GRID2: variants seen among roughly 807,000 people sequenced by gnomAD.
The protein encoded by GRID2 is glutamate receptor ionotropic, delta-2.
Under a neutral mutation model 114.8 loss-of-function variants are expected in GRID2, and 33 were observed. The ratio of observed to expected loss-of-function variants is 0.29; its 90% confidence interval spans 0.22 to 0.38. The LOEUF is 0.38. GRID2 is among the 10% of genes least tolerant of loss of function. The pLI is 1.00. For missense variants in GRID2, 1,184 were observed against 1,257.7 expected, an observed-to-expected ratio of 0.94 and a Z score of 0.89; for synonymous variants, 505 against 449.9, an observed-to-expected ratio of 1.12 and a Z score of -1.55.
intron 2 of GRID2, among the ~76,000 whole-genome samples, chr4:92,623,813 A>G (rs987053756): frequency 6.6e-6 from 1 of 151,830 alleles, no homozygotes; most frequent in African/African-American, 2.4e-5. Flanking sequence ...GTATTATTCA[A>G]AAAAACTTTA....
chr4:93,132,430 C>T (rs1225020072), intron 4 of GRID2, among the ~76,000 whole-genome samples: 1 of 152,142 alleles, frequency 6.6e-6, no homozygotes, highest in African/African-American at 2.4e-5. Flanking sequence ...GCTTCACTTC[C>T]TGGCTGATTT....
At chr4:92,443,865 G>C (rs776967506) in intron 1 of GRID2, among the ~76,000 whole-genome samples, 6 of 152,192 alleles carry the variant, frequency 3.9e-5, no homozygotes, top group Non-Finnish European at 7.3e-5. Context: ...AACACCAAGG[G>C]AAGGCTGCCT....
intron 1 of GRID2, among the ~76,000 whole-genome samples, chr4:92,560,857 C>G (rs2149181951): frequency 6.6e-6 from 1 of 152,214 alleles, no homozygotes; most frequent in East Asian, 1.9e-4. Context: ...CAGGTGCCCG[C>G]CACCATGCCC....
chr4:92,949,984 G>C (rs181083585), intron 2 of GRID2, among the ~76,000 whole-genome samples: 7 of 152,220 alleles, frequency 4.6e-5, no homozygotes, highest in Admixed American at 2.6e-4. Flanking sequence ...GGGAATGACA[G>C]TGCATTTATT....
intron 1 of GRID2, among the ~76,000 whole-genome samples, chr4:92,329,483 A>G (rs190822559): frequency 6.6e-6 from 1 of 152,088 alleles, no homozygotes; most frequent in Non-Finnish European, 1.5e-5. Flanking sequence ...CCTGTTGGTC[A>G]TTTGTAAGAT....
chr4:93,458,631 T>A (rs1723426508), intron 11 of GRID2, among the ~76,000 whole-genome samples: 1 of 152,202 alleles, frequency 6.6e-6, no homozygotes, highest in Admixed American at 6.5e-5. Context: ...TGGGTTTTTA[T>A]GAGAATTTAT....
chr4:92,585,571 A>G (rs1376026785), intron 1 of GRID2, among the ~76,000 whole-genome samples: 1 of 151,936 alleles, frequency 6.6e-6, no homozygotes, highest in Non-Finnish European at 1.5e-5. Flanking sequence ...AGAGTCTTTT[A>G]TTTTAAACAC....
intron 2 of GRID2, among the ~76,000 whole-genome samples, chr4:92,762,056 G>T (rs1012542932): frequency 3.9e-5 from 6 of 151,932 alleles, no homozygotes; most frequent in African/African-American, 1.5e-4. Context: ...AGCCTCCTGA[G>T]GGCATGTACC....
chr4:93,508,678 G>T (rs1728884016), intron 12 of GRID2, among the ~76,000 whole-genome samples: 1 of 152,144 alleles, frequency 6.6e-6, no homozygotes, highest in African/African-American at 2.4e-5. Flanking sequence ...CTCATTGATT[G>T]CTGACTGTTT....
intron 1 of GRID2, among the ~76,000 whole-genome samples, chr4:92,543,545 CT>C (rs1465227237): frequency 6.6e-6 from 1 of 152,096 alleles, no homozygotes; most frequent in African/African-American, 2.4e-5. Flanking sequence ...CCATCAAATA[CT>C]TTAGTTTTGC....
At chr4:92,403,966 T>C (rs1413910247) in intron 1 of GRID2, among the ~76,000 whole-genome samples, 3 of 152,042 alleles carry the variant, frequency 2.0e-5, no homozygotes, top group African/African-American at 4.8e-5. Context: ...AAAGCAATGA[T>C]AATAAACATC....
At chr4:92,621,113 A>G (rs1333888118) in intron 2 of GRID2, among the ~76,000 whole-genome samples, 1 of 151,746 alleles carries the variant, frequency 6.6e-6, no homozygotes, top group Non-Finnish European at 1.5e-5. Flanking sequence ...ACATAGGTAA[A>G]CATGTGTCAT....
At chr4:92,890,151 C>T (rs1441213096) in intron 2 of GRID2, among the ~76,000 whole-genome samples, 1 of 151,982 alleles carries the variant, frequency 6.6e-6, no homozygotes, top group Admixed American at 6.6e-5. Flanking sequence ...AAGGCCTAAA[C>T]CCATAAAAAC....
At chr4:92,423,436 G>C (rs1330326072) in intron 1 of GRID2, among the ~76,000 whole-genome samples, 2 of 152,004 alleles carry the variant, frequency 1.3e-5, no homozygotes, top group African/African-American at 4.8e-5. Context: ...GAGGAGAGAT[G>C]GATATTGAGG....
intron 3 of GRID2, among the ~76,000 whole-genome samples, chr4:93,100,785 G>C (rs758166310): frequency 1.3e-5 from 2 of 151,904 alleles, no homozygotes; most frequent in Non-Finnish European, 2.9e-5. Flanking sequence ...ATGAGTAGAG[G>C]AAAAAAATAA....
chr4:93,741,527 T>G (rs866809569), intron 14 of GRID2, among the ~76,000 whole-genome samples: 14 of 152,206 alleles, frequency 9.2e-5, no homozygotes, highest in South Asian at 4.1e-4. Flanking sequence ...ACTTAGGCAG[T>G]TGTTAAATAA....
At chr4:93,382,376 T>C (rs1239096237) in intron 8 of GRID2, among the ~76,000 whole-genome samples, 1 of 152,074 alleles carries the variant, frequency 6.6e-6, no homozygotes, top group East Asian at 1.9e-4. Context: ...GTTTGTCCAC[T>C]TGATGGTGTA....
Position 92,751,305 on chromosome 4 carries a change from A to G in GRID2, c.244+161019A>G, listed in dbSNP as rs555229952. ...GCATTTAAAATATGAAAATGCAGCT[A>G]AGAGAAAACTAGTAAATAAATAAAA... On this transcript the variant is annotated intron_variant, in intron 2 of 15. Coordinates refer to ENST00000282020, the MANE Select transcript of GRID2 (RefSeq NM_001510.4). Among the ~76,000 whole-genome samples the G allele has an allele frequency of 2.6e-5, 4 of 152,294 alleles. 1 individual carries two copies. The South Asian group carries it at 8.3e-4, about 32-fold the overall frequency.
At chr4:93,546,896 G>A (rs1395801796) in intron 13 of GRID2, among the ~76,000 whole-genome samples, 1 of 152,032 alleles carries the variant, frequency 6.6e-6, no homozygotes, top group Non-Finnish European at 1.5e-5. Context: ...TTGGCTAAAG[G>A]ACTTGTCTTA....
Sources: allele counts gnomAD v4.1 joint callset (sites outside exome capture counted in the v4.1 genomes callset), GRCh38; gene constraint gnomAD v4.1.1; transcripts MANE v1.5; gene names NCBI Gene and HGNC (gene_info 2026-07-23, HGNC 2026-07-21).